Variants in PLCB1 observed in about 807,000 individuals in gnomAD.
PLCB1 encodes 1-phosphatidylinositol 4,5-bisphosphate phosphodiesterase beta-1.
A neutral mutation model predicts 161.8 loss-of-function variants in PLCB1; 46 were observed. That is an observed-to-expected ratio of 0.28 (90% CI 0.22 to 0.36). PLCB1 has a LOEUF of 0.36. Among genes scored for constraint, PLCB1 ranks in the 10% least tolerant of loss-of-function variants. PLCB1 has a pLI of 1.00. For synonymous variants in PLCB1, 517 were observed against 503.7 expected (o/e 1.03, Z -0.35); for missense variants, 1,016 against 1,472.5 (o/e 0.69, Z 5.07).
intron 27 of PLCB1, among the ~76,000 whole-genome samples, chr20:8,785,332 G>A (rs145633240): frequency 3.9e-5 from 6 of 152,174 alleles, no homozygotes; most frequent in East Asian, 3.9e-4. Context: ...AGTAGGGCCC[G>A]AGAACTTACA....
At chr20:8,844,464 TC>T (rs1486540978) in intron 31 of PLCB1, among the ~76,000 whole-genome samples, 12 of 152,142 alleles carry the variant, frequency 7.9e-5, no homozygotes. Flanking sequence ...ATGCCTGTAA[TC>T]CTAATGCTTT....
intron 31 of PLCB1, among the ~76,000 whole-genome samples, chr20:8,817,547 T>C (rs1276747071): frequency 1.3e-5 from 2 of 152,082 alleles, no homozygotes; most frequent in African/African-American, 4.8e-5. Flanking sequence ...AACTGGAAAA[T>C]TTCAGAATAC....
intron 2 of PLCB1, among the ~76,000 whole-genome samples, chr20:8,267,972 T>TTATTATTAC (rs1239631744): frequency 6.6e-6 from 1 of 151,320 alleles, no homozygotes; most frequent in Admixed American, 6.6e-5. Context: ...ATTATTATTA[T>TTATTATTAC]TATTATTATT....
chr20:8,644,898 G>A (rs1016751641), intron 4 of PLCB1, among the ~76,000 whole-genome samples: 4 of 152,188 alleles, frequency 2.6e-5, no homozygotes, highest in Non-Finnish European at 4.4e-5. Flanking sequence ...GGGGAAAGGT[G>A]GGGAAAAGAT....
At chr20:8,588,288 C>T (rs1311395671) in intron 3 of PLCB1, among the ~76,000 whole-genome samples, 1 of 152,058 alleles carries the variant, frequency 6.6e-6, no homozygotes, top group African/African-American at 2.4e-5. Context: ...AGTAGCTCAC[C>T]ATAGTAGTGG....
At chr20:8,525,634 C>A (rs935144168) in intron 3 of PLCB1, among the ~76,000 whole-genome samples, 5 of 152,042 alleles carry the variant, frequency 3.3e-5, no homozygotes, top group African/African-American at 1.2e-4. Flanking sequence ...ACTTAATTTT[C>A]TTGTTTTTAC....
chr20:8,240,996 G>T (rs2179137), intron 2 of PLCB1, among the ~76,000 whole-genome samples: 21 of 151,660 alleles, frequency 1.4e-4, no homozygotes, highest in African/African-American at 3.9e-4. Context: ...GGAAACTATG[G>T]TGAACACGAG....
intron 31 of PLCB1, among the ~76,000 whole-genome samples, chr20:8,797,915 C>T (rs769076296): frequency 1.2e-4 from 19 of 152,142 alleles, no homozygotes; most frequent in Non-Finnish European, 2.4e-4. Flanking sequence ...TTTTAATGGC[C>T]AGGCATGGTG....
chr20:8,408,808 C>T (rs1445516589), intron 3 of PLCB1, among the ~76,000 whole-genome samples: 3 of 152,158 alleles, frequency 2.0e-5, no homozygotes, highest in Non-Finnish European at 4.4e-5. Context: ...ATCTCACATT[C>T]GGCAGCCTTT....
intron 3 of PLCB1, among the ~76,000 whole-genome samples, chr20:8,557,712 A>G (rs1986008383): frequency 6.6e-6 from 1 of 152,002 alleles, no homozygotes; most frequent in African/African-American, 2.4e-5. Context: ...TGGGCTATCT[A>G]TATTTTATCA....
chr20:8,213,672 G>A (rs1294843281), intron 2 of PLCB1, among the ~76,000 whole-genome samples: 2 of 151,952 alleles, frequency 1.3e-5, no homozygotes, highest in Admixed American at 6.6e-5. Context: ...GGAAATAAGG[G>A]AAATGGTGGT....
At chr20:8,462,910 C>T (rs1276487303) in intron 3 of PLCB1, among the ~76,000 whole-genome samples, 1 of 150,852 alleles carries the variant, frequency 6.6e-6, no homozygotes, top group Non-Finnish European at 1.5e-5. Context: ...TAGGGAGAAC[C>T]TCCTTTCATG....
intron 2 of PLCB1, among the ~76,000 whole-genome samples, chr20:8,300,538 G>GT (rs924606148): frequency 1.9e-4 from 28 of 150,726 alleles, no homozygotes; most frequent in South Asian, 6.3e-4. Flanking sequence ...TTTGGAAGTG[G>GT]TTTTTTTTTA....
intron 7 of PLCB1, among the ~76,000 whole-genome samples, chr20:8,653,682 C>T (rs985528476): frequency 6.6e-6 from 1 of 151,724 alleles, no homozygotes; most frequent in Non-Finnish European, 1.5e-5. Flanking sequence ...ATTTAAGTAC[C>T]CATTTCTCAT....
intron 1 of PLCB1, among the ~76,000 whole-genome samples, chr20:8,137,802 T>C (rs80212184): frequency 1.3e-5 from 2 of 152,352 alleles, no homozygotes; most frequent in East Asian, 3.9e-4. Context: ...TCTAACTTTA[T>C]AGTTTGGTTT....
intron 11 of PLCB1, among the ~76,000 whole-genome samples, chr20:8,707,418 C>G (rs1352915649): frequency 6.6e-6 from 1 of 152,116 alleles, no homozygotes; most frequent in East Asian, 1.9e-4. Flanking sequence ...TGGGAATATG[C>G]AACCTCACTA....
chr20:8,552,009 T>C (rs1328279720), intron 3 of PLCB1, among the ~76,000 whole-genome samples: 2 of 152,186 alleles, frequency 1.3e-5, no homozygotes, highest in African/African-American at 4.8e-5. Flanking sequence ...AAGACTGTTA[T>C]GTGTTACTAG....
chr20:8,479,028 C>T (rs570749605), intron 3 of PLCB1, among the ~76,000 whole-genome samples: 1 of 152,176 alleles, frequency 6.6e-6, no homozygotes, highest in Admixed American at 6.5e-5. Flanking sequence ...TTCATTGTGG[C>T]AAACTGGCAT....
chr20:8,753,909 T>A (rs554086658), intron 23 of PLCB1, among the ~76,000 whole-genome samples: 1 of 152,290 alleles, frequency 6.6e-6, no homozygotes, highest in South Asian at 2.1e-4. Flanking sequence ...TTCACTGGTT[T>A]CTATCATTTC....
Sources: allele counts gnomAD v4.1 joint callset (sites outside exome capture counted in the v4.1 genomes callset), GRCh38; gene constraint gnomAD v4.1.1; transcripts MANE v1.5; gene names NCBI Gene and HGNC (gene_info 2026-07-23, HGNC 2026-07-21).